RAPGEF3: variants seen among roughly 807,000 people sequenced by gnomAD.
RAPGEF3 encodes the protein 9330170P05Rik.
RAPGEF3 carries 103 observed loss-of-function variants against 129.8 expected under a neutral mutation model. That is an observed-to-expected ratio of 0.79 (90% CI 0.68 to 0.93). RAPGEF3 has a LOEUF of 0.93. Among genes scored for constraint, RAPGEF3 ranks in the 40% least tolerant of loss-of-function variants. RAPGEF3 has a pLI of 0.00. For missense variants in RAPGEF3, 1,117 were observed against 1,207.4 expected (o/e 0.93, Z 1.11); for synonymous variants, 436 against 482.6 (o/e 0.90, Z 1.26).
At chr12:47,744,957 A>G (rs956503203) in intron 16 of RAPGEF3, 3 of 152,320 alleles carry the variant, frequency 2.0e-5, no homozygotes, top group African/African-American at 7.2e-5. Context: ...ATCCTTCCAC[A>G]TGAATGATCC....
At chr12:47,756,725 C>T (rs1942076807) in intron 2 of RAPGEF3, among the ~76,000 whole-genome samples, 1 of 152,124 alleles carries the variant, frequency 6.6e-6, no homozygotes, top group Non-Finnish European at 1.5e-5. Context: ...AATCCCAGTG[C>T]TTTGGGAGGG....
intron 24 of RAPGEF3, 162 bp downstream of exon 24, chr12:47,738,981 C>G: frequency 1.4e-6 from 1 of 713,488 alleles, no homozygotes; most frequent in South Asian, 1.8e-5. Flanking sequence ...CCTAATTCAT[C>G]TCTGCACTCC....
intron 2 of RAPGEF3, among the ~76,000 whole-genome samples, chr12:47,754,500 G>A (rs553926929): frequency 2.5e-4 from 38 of 152,310 alleles, no homozygotes; most frequent in Admixed American, 6.5e-4. Flanking sequence ...TAGCTTTTGC[G>A]TTACCATCTG....
rs139309687 is a variant in RAPGEF3, at chr12:47,746,470, A to G, written c.1596+390T>C. On this transcript the variant is annotated intron_variant, in intron 16 of 27. Transcript: ENST00000449771. ...TGAGAATGGCCTGGGGCCCCCTCTG[A>G]CTTTCCAGGGAGGGGCCTCGCCTTC... The G allele has an allele frequency of 2.0e-3, 1,155 of 566,368 alleles. 13 individuals carry two copies. The African/African-American group carries it at 0.021, about 10-fold the overall frequency. 35.1% of individuals were successfully genotyped at this position (566,368 alleles called of 1,614,324 possible). A position where few individuals can be genotyped will look rare whatever the true frequency, so the allele number is the denominator to read the frequency against.
At chr12:47,758,351 C>T in intron 1 of RAPGEF3, 200 bp downstream of exon 1, 1 of 1,457,392 alleles carries the variant, frequency 6.9e-7, no homozygotes, top group Non-Finnish European at 9.1e-7. Flanking sequence ...CTGCCCATGC[C>T]CCTGCAGGGA....
Position 47,741,404 on chromosome 12 carries a change from C to A in RAPGEF3, c.1923+101G>T. The A allele has an allele frequency of 4.4e-6, 5 of 1,138,076 alleles. No homozygotes were observed. The African/African-American group carries it at 4.6e-5, about 10-fold the overall frequency. The allele number at this position is 1,138,076 out of a possible 1,614,324, so 70.5% of individuals were successfully genotyped here. On this transcript the variant is annotated intron_variant, in intron 19 of 27. Coordinates refer to ENST00000449771, the MANE Select transcript of RAPGEF3 (RefSeq NM_001098531.4). ...GGACCCAGCAGCAGCCAGAGCCAGG[C>A]CCCTCCTCCCTCTTCTCCCTGGGAC... is the stretch of plus-strand genomic sequence containing the variant.
At chr12:47,744,270 A>G in intron 16 of RAPGEF3, 1 of 591,850 alleles carries the variant, frequency 1.7e-6, no homozygotes, top group Admixed American at 3.0e-5. Context: ...CAACATGTCT[A>G]AGGGCGGGGC....
At chr12:47,746,597 T>C (rs1371678553) in intron 16 of RAPGEF3, 2 of 700,210 alleles carry the variant, frequency 2.9e-6, no homozygotes, top group Non-Finnish European at 5.3e-6. Flanking sequence ...TGGGCATGAA[T>C]TACCTCCCAA....
chr12:47,750,351 A>G lies in RAPGEF3; in HGVS notation c.746T>C (p.Leu249Pro), dbSNP rs878890466. Residue 249 changes from leucine (L) to proline (P), a missense_variant, in exon 7 of 28, where the codon CTC becomes CCC. Around this residue, in one of 3 missense-constraint regions of RAPGEF3, gnomAD observed 367 missense variants for 373.4 expected, o/e 0.98. Coordinates refer to ENST00000449771, the MANE Select transcript of RAPGEF3 (RefSeq NM_001098531.4). Reference protein sequence around the residue: ...ELLHIKAVAHLSNSVKRELAA... With the variant: ...ELLHIKAVAHPSNSVKRELAA... ...AGGGGCAGGACTGACCGAGTTGGAG[A>G]GGTGGGCCACAGCCTTGATGTGCAG... The G allele has an allele frequency of 1.9e-6, 3 of 1,613,920 alleles. No homozygotes were observed. Among genetic ancestry groups the G allele is most frequent in the South Asian group, 2.2e-5 (2 of 91,086 alleles).
intron 18 of RAPGEF3, chr12:47,741,990 G>T (rs568752773): frequency 5.8e-5 from 12 of 206,726 alleles, no homozygotes; most frequent in Non-Finnish European, 1.1e-4. Context: ...TGAAAATTGG[G>T]AAGTGTCTTA....
At chr12:47,743,058 T>C (rs184362074) in intron 18 of RAPGEF3, among the ~76,000 whole-genome samples, 80 of 152,360 alleles carry the variant, frequency 5.3e-4, no homozygotes, top group Admixed American at 4.5e-3. Flanking sequence ...TAAAAGTACC[T>C]GTATCTCATG....
At chr12:47,743,847 TG>T in intron 17 of RAPGEF3, 139 bp downstream of exon 17, 1 of 1,338,512 alleles carries the variant, frequency 7.5e-7, no homozygotes, top group Non-Finnish European at 1.1e-6. Context: ...GCCAGCAGCC[TG>T]GAACACAGAC....
rs1048166809 is a variant in RAPGEF3 at position 47,736,541 on chromosome 12, C to G, written c.*1026G>C. 6.6e-6 allele frequency: 1 copy of G among 152,288 alleles called. No homozygotes were observed. Among genetic ancestry groups the G allele is most frequent in the African/African-American group, 2.4e-5 (1 of 41,462 alleles). The allele number at this position is 152,288 out of a possible 1,614,324, so 9.4% of individuals were successfully genotyped here. On this transcript the variant is annotated 3_prime_UTR_variant, in exon 28 of 28. Coordinates refer to ENST00000449771, the MANE Select transcript of RAPGEF3 (RefSeq NM_001098531.4). ...TGAAGGGGCAGGGAAGAGAGGACTT[C>G]GTATGACCAGAGCTTGCTGGGACCA...
chr12:47,737,768 T>G, intron 27 of RAPGEF3, 83 bp from the exon 28 acceptor site: 4 of 1,318,464 alleles, frequency 3.0e-6, no homozygotes, highest in Non-Finnish European at 4.3e-6. Context: ...ATATCACATC[T>G]GCCTTCTTGC....
intron 2 of RAPGEF3, among the ~76,000 whole-genome samples, chr12:47,755,301 G>A (rs1592578181): frequency 6.6e-6 from 1 of 152,184 alleles, no homozygotes; most frequent in African/African-American, 2.4e-5. Flanking sequence ...ATCTCACAGG[G>A]CTGTTGTGAG....
chr12:47,753,727 G>A (rs1197609657), intron 2 of RAPGEF3, among the ~76,000 whole-genome samples: 1 of 152,220 alleles, frequency 6.6e-6, no homozygotes, highest in Non-Finnish European at 1.5e-5. Flanking sequence ...ATGACTTGTT[G>A]TTCATATCAA....
Position 47,749,547 on chromosome 12 carries a change from G to A in RAPGEF3, c.895-11C>T, listed in dbSNP as rs1401141398. 2.5e-6 allele frequency: 4 copies of A among 1,607,040 alleles called. No individual in the cohort carries two copies. In the South Asian group the frequency reaches 4.4e-5, roughly 18 times the overall value. Reference sequence around the variant, plus strand: ...GGTGGTCACCAGCCCCTGCAGCCAGGCCTCAGTCTCAGCCCGCCCCTGCCG... The same window carrying A: ...GGTGGTCACCAGCCCCTGCAGCCAGACCTCAGTCTCAGCCCGCCCCTGCCG... On this transcript the variant is annotated splice_polypyrimidine_tract_variant and intron_variant, in intron 9 of 27. Transcript: ENST00000449771. The surrounding 1 kb of genome is among the most constrained non-coding windows in gnomAD (Gnocchi z 4.5).
intron 21 of RAPGEF3, 61 bp downstream of exon 21, chr12:47,740,581 G>T (rs1456804330): frequency 4.5e-6 from 7 of 1,559,158 alleles, no homozygotes; most frequent in Non-Finnish European, 6.1e-6. Flanking sequence ...AAAGAGGGGG[G>T]CTTAGGAAAA....
In RAPGEF3 at chr12:47,738,975, A is replaced by G. The variant is rs1940968427; in HGVS notation, c.2461+168T>C. On this transcript the variant is annotated intron_variant, in intron 24 of 27. Transcript: ENST00000449771. Reference sequence around the variant, plus strand: ...CATTCTTCCAGTCTAAGAACTCCTAATTCATCTCTGCACTCCCTGAGGCAT... The same window carrying G: ...CATTCTTCCAGTCTAAGAACTCCTAGTTCATCTCTGCACTCCCTGAGGCAT... The G allele has an allele frequency of 7.1e-6, 5 of 703,934 alleles. No homozygotes were observed. In the South Asian group the frequency reaches 7.4e-5, roughly 10 times the overall value. 43.6% of individuals were successfully genotyped at this position (703,934 alleles called of 1,614,324 possible). A position where few individuals can be genotyped will look rare whatever the true frequency, so the allele number is the denominator to read the frequency against.
Sources: gnomAD v4.1 joint callset for allele counts (sites outside exome capture counted in the v4.1 genomes callset) on GRCh38, gnomAD v4.1.1 for gene constraint, gnomAD v4.1.1 regional missense constraint, Gnocchi (gnomAD v3.1) non-coding constraint, MANE v1.5 for transcripts, NCBI Gene and HGNC (gene_info 2026-07-23, HGNC 2026-07-21) for gene names.